KCNAB1: variants seen among roughly 807,000 people sequenced by gnomAD.
The protein encoded by KCNAB1 is potassium voltage-gated channel subfamily A regulatory beta subunit 1, also known as voltage-gated potassium channel subunit beta-1.
Under a neutral mutation model 64.6 loss-of-function variants are expected in KCNAB1, and 35 were observed. That is an observed-to-expected ratio of 0.54 (90% confidence interval 0.41 to 0.72). KCNAB1 has a LOEUF of 0.72. Among genes scored for constraint, KCNAB1 ranks in the 30% least tolerant of loss-of-function variants. The pLI, the probability that KCNAB1 is intolerant of heterozygous loss-of-function variation, is 0.00. For missense variants in KCNAB1, 401 were observed against 512.9 expected (o/e 0.78, Z 2.11); for synonymous variants, 177 against 183.8 (o/e 0.96, Z 0.30).
intron 1 of KCNAB1, among the ~76,000 whole-genome samples, chr3:156,420,234 T>C (rs1715378991): frequency 6.6e-6 from 1 of 152,236 alleles, no homozygotes; most frequent in Non-Finnish European, 1.5e-5. Flanking sequence ...AGTGATGCTA[T>C]GCAAATGGCA....
At chr3:156,411,843 C>T (rs770989137) in intron 1 of KCNAB1, among the ~76,000 whole-genome samples, 2 of 152,122 alleles carry the variant, frequency 1.3e-5, no homozygotes, top group African/African-American at 2.4e-5. Context: ...CTCTTTTTCA[C>T]ATTGTTTTGA....
chr3:156,324,342 A>G (rs1259935381), intron 1 of KCNAB1, among the ~76,000 whole-genome samples: 5 of 152,178 alleles, frequency 3.3e-5, no homozygotes, highest in Admixed American at 6.5e-5. Context: ...ATGCGCTTTA[A>G]TTAGGAGGCA....
intron 1 of KCNAB1, among the ~76,000 whole-genome samples, chr3:156,174,420 C>T (rs1712214134): frequency 1.3e-5 from 2 of 152,190 alleles, no homozygotes; most frequent in Admixed American, 1.3e-4. Flanking sequence ...GCAGGAGGAG[C>T]TCTTTAGCTG....
chr3:156,291,947 A>G, intron 1 of KCNAB1: 1 of 1,614,176 alleles, frequency 6.2e-7, no homozygotes, highest in Non-Finnish European at 8.5e-7. Context: ...CAATTTGAAG[A>G]GTCGGAATGG....
intron 5 of KCNAB1, among the ~76,000 whole-genome samples, chr3:156,461,875 G>A (rs1270799430): frequency 6.6e-6 from 1 of 152,226 alleles, no homozygotes; most frequent in South Asian, 2.1e-4. Context: ...AGTTGCCCCC[G>A]TGAGACTGGT....
At chr3:156,260,514 TATAAA>T (rs1718370088) in intron 1 of KCNAB1, among the ~76,000 whole-genome samples, 1 of 152,216 alleles carries the variant, frequency 6.6e-6, no homozygotes, top group Non-Finnish European at 1.5e-5. Flanking sequence ...AAAATAGAAT[TATAAA>T]ATATATAGTC....
chr3:156,354,120 GTATATATATATATATATATATA>G (rs34730584), intron 1 of KCNAB1, among the ~76,000 whole-genome samples: 17 of 132,562 alleles, frequency 1.3e-4, no homozygotes, highest in African/African-American at 4.6e-4. Context: ...ATGTGTGTGT[GTATATATATATATATATATATA>G]TGTGTATATA....
intron 2 of KCNAB1, among the ~76,000 whole-genome samples, chr3:156,449,413 C>T (rs1158272270): frequency 2.0e-5 from 3 of 152,100 alleles, no homozygotes; most frequent in South Asian, 2.1e-4. Context: ...AACATAGGCT[C>T]TTCCTAACAT....
intron 1 of KCNAB1, among the ~76,000 whole-genome samples, chr3:156,224,224 G>A (rs144116537): frequency 2.6e-5 from 4 of 152,346 alleles, no homozygotes; most frequent in African/African-American, 7.2e-5. Context: ...CTCTGAGTGC[G>A]GGCCCACTGA....
chr3:156,511,630 T>C (rs1035673372), intron 8 of KCNAB1, among the ~76,000 whole-genome samples: 1 of 152,118 alleles, frequency 6.6e-6, no homozygotes, highest in Non-Finnish European at 1.5e-5. Context: ...CATCCACCAC[T>C]CTCTCTGTTT....
intron 1 of KCNAB1, among the ~76,000 whole-genome samples, chr3:156,266,420 T>C (rs2108486245): frequency 6.6e-6 from 1 of 152,368 alleles, no homozygotes; most frequent in South Asian, 2.1e-4. Context: ...TCCCAGAGGT[T>C]GGTTTAAATC....
intron 1 of KCNAB1, among the ~76,000 whole-genome samples, chr3:156,171,625 G>A (rs983994507): frequency 6.6e-6 from 1 of 152,160 alleles, no homozygotes; most frequent in Admixed American, 6.5e-5. Flanking sequence ...AACATTTTCT[G>A]CTTTAAGAAG....
intron 1 of KCNAB1, among the ~76,000 whole-genome samples, chr3:156,321,975 C>A (rs1722688331): frequency 6.6e-6 from 1 of 152,198 alleles, no homozygotes; most frequent in Non-Finnish European, 1.5e-5. Flanking sequence ...ACACTAGAAG[C>A]CAACTTAACC....
chr3:156,446,626 C>G (rs935260997), intron 2 of KCNAB1, among the ~76,000 whole-genome samples: 1 of 152,148 alleles, frequency 6.6e-6, no homozygotes, highest in Non-Finnish European at 1.5e-5. Flanking sequence ...CATACTCTGA[C>G]CTTGGTGTTC....
chr3:156,378,039 T>G (rs1442908274), intron 1 of KCNAB1, among the ~76,000 whole-genome samples: 3 of 152,084 alleles, frequency 2.0e-5, no homozygotes, highest in Admixed American at 2.0e-4. Flanking sequence ...ATAATTAATG[T>G]GTATATGGAC....
chr3:156,149,993 G>C (rs537227320), intron 1 of KCNAB1, among the ~76,000 whole-genome samples: 1 of 152,296 alleles, frequency 6.6e-6, no homozygotes, highest in African/African-American at 2.4e-5. Flanking sequence ...CATGCAGGGG[G>C]TTGTATTAAA....
rs1712339367 is a variant in KCNAB1 at position 156,175,938 on chromosome 3, G to A, written c.275+55052G>A. On this transcript the variant is annotated intron_variant, in intron 1 of 13. Coordinates refer to ENST00000490337, the MANE Select transcript of KCNAB1 (RefSeq NM_172160.3). ...GGTGGAAAGCAACTTCATTGATGGAGCCAGCATGGCCGGGCAGCTCATACA... is the reference window on the plus strand; with the variant it reads ...GGTGGAAAGCAACTTCATTGATGGAACCAGCATGGCCGGGCAGCTCATACA... The A allele has an allele frequency of 3.1e-6, 3 of 957,628 alleles. No homozygotes were observed. In the East Asian group the frequency reaches 7.7e-5, roughly 25 times the overall value. 59.3% of individuals were successfully genotyped at this position (957,628 alleles called of 1,614,324 possible).
Position 156,134,425 on chromosome 3 carries a change from G to A in KCNAB1, c.275+13539G>A, listed in dbSNP as rs556005878. The stretch of plus-strand genomic sequence containing the variant: ...GGGATGGGAAATAAGAAATCCAGTC[G>A]TGTTCAAATTATGACCAAGAAAGAA... On this transcript the variant is annotated intron_variant, in intron 1 of 13. Coordinates refer to ENST00000490337, the MANE Select transcript of KCNAB1 (RefSeq NM_172160.3). 2.0e-3 allele frequency among the ~76,000 whole-genome samples: 306 copies of A among 152,248 alleles called. 1 individual carries two copies. The highest frequency in any genetic ancestry group is 6.8e-3 in the African/African-American group (283 of 41,546).
At chr3:156,429,299 C>T (rs1716048946) in intron 2 of KCNAB1, among the ~76,000 whole-genome samples, 1 of 152,202 alleles carries the variant, frequency 6.6e-6, no homozygotes, top group Admixed American at 6.5e-5. Flanking sequence ...GCAGCAGCCG[C>T]CCGCAGATCT....
Sources: allele counts gnomAD v4.1 joint callset (sites outside exome capture counted in the v4.1 genomes callset), GRCh38; gene constraint gnomAD v4.1.1; transcripts MANE v1.5; gene names NCBI Gene and HGNC (gene_info 2026-07-23, HGNC 2026-07-21).